Variants in GAST observed in about 807,000 individuals in gnomAD.
GAST encodes the protein preprogastrin.
GAST carries 9 observed loss-of-function variants against 12.5 expected under a neutral mutation model. The ratio of observed to expected loss-of-function variants is 0.72; its 90% CI spans 0.43 to 1.25. The LOEUF is 1.25. Ranked by LOEUF, GAST falls within the 50% of genes most tolerant of loss-of-function variation. The pLI, the probability that GAST is intolerant of heterozygous loss-of-function variation, is 0.00. For synonymous variants in GAST, 52 were observed against 51.1 expected (o/e 1.02, Z -0.08); for missense variants, 121 against 127.7 (o/e 0.95, Z 0.25).
rs141052751 is a variant in GAST at position 41,712,775 on chromosome 17, C to T, written c.-6+388C>T. Among the ~76,000 whole-genome samples the T allele has an allele frequency of 1.1e-4, 17 of 152,316 alleles. No homozygotes were observed. The East Asian group carries it at 2.5e-3, about 22-fold the overall frequency. On this transcript the variant is annotated intron_variant, in intron 1 of 2. Coordinates refer to ENST00000329402, the MANE Select transcript of GAST (RefSeq NM_000805.5). Reference sequence around the variant, plus strand: ...GCAAGGCTGGGATAGGAATCCACAGCTCCTGGATCCCACTTCAAGCCCTTT... The same window carrying T: ...GCAAGGCTGGGATAGGAATCCACAGTTCCTGGATCCCACTTCAAGCCCTTT...
chr17:41,715,740 G>T (rs782797563), intron 2 of GAST, 38 bp from the exon 3 acceptor site: 11 of 1,586,448 alleles, frequency 6.9e-6, no homozygotes, highest in African/African-American at 1.4e-5. Context: ...TGGAAGGTAG[G>T]CATCCTTCCC....
chr17:41,715,411 A>C, intron 1 of GAST, 21 bp from the exon 2 acceptor site: 1 of 1,587,882 alleles, frequency 6.3e-7, no homozygotes, highest in Non-Finnish European at 8.6e-7. Context: ...CCCTTAAGCT[A>C]GTCCCTTCTC....
chr17:41,715,670 C>A lies in GAST; in HGVS notation c.211+23C>A. 3.1e-6 allele frequency: 5 copies of A among 1,609,696 alleles called. 1 individual carries two copies. Among genetic ancestry groups the A allele is most frequent in the Middle Eastern group, 3.3e-4 (2 of 6,038 alleles). On this transcript the variant is annotated intron_variant, in intron 2 of 2. Coordinates refer to ENST00000329402, the MANE Select transcript of GAST (RefSeq NM_000805.5). ...CAGGTAGGAGCTGCTGACTGCCCTGCTTGCCTCACTTGGCCAGGTTTGGCC... is the reference window on the plus strand; with the variant it reads ...CAGGTAGGAGCTGCTGACTGCCCTGATTGCCTCACTTGGCCAGGTTTGGCC...
At chr17:41,714,986 T>G (rs79715822) in intron 1 of GAST, among the ~76,000 whole-genome samples, 4,100 of 152,108 alleles carry the variant, frequency 0.027, 101 homozygotes, top group East Asian at 0.15. Context: ...TCTGAAGAAA[T>G]AGTCCACAAC....
chr17:41,713,052 A>T (rs867628976), intron 1 of GAST, among the ~76,000 whole-genome samples: 4 of 152,080 alleles, frequency 2.6e-5, no homozygotes, highest in South Asian at 2.1e-4. Context: ...AGTAGCCGGG[A>T]TTACAGGCGC....
In GAST at chr17:41,715,956, T is replaced by C. The variant is rs1401307097; in HGVS notation, c.*84T>C. The C allele has an allele frequency of 1.6e-5, 17 of 1,037,050 alleles. No homozygotes were observed. Among genetic ancestry groups the C allele is most frequent in the Non-Finnish European group, 2.4e-5 (17 of 708,524 alleles). The allele number at this position is 1,037,050 out of a possible 1,614,324, so 64.2% of individuals were successfully genotyped here. ...CCTGAAAAACTGATCAAAAATAAACTAGTTTCCAGTGGATCAATGGACTGT... is the reference window on the plus strand; with the variant it reads ...CCTGAAAAACTGATCAAAAATAAACCAGTTTCCAGTGGATCAATGGACTGT... On this transcript the variant is annotated 3_prime_UTR_variant, in exon 3 of 3. Coordinates refer to ENST00000329402, the MANE Select transcript of GAST (RefSeq NM_000805.5).
intron 1 of GAST, among the ~76,000 whole-genome samples, chr17:41,713,729 T>TA (rs1400322008): frequency 6.6e-6 from 1 of 151,960 alleles, no homozygotes; most frequent in African/African-American, 2.4e-5. Context: ...AAGAAAAACT[T>TA]AAAAGCAGTA....
At chr17:41,712,941 G>T (rs1910886694) in intron 1 of GAST, among the ~76,000 whole-genome samples, 1 of 151,728 alleles carries the variant, frequency 6.6e-6, no homozygotes, top group South Asian at 2.1e-4. Context: ...GTTGTTGTTT[G>T]TTTTTTTATA....
At chr17:41,713,368 A>G (rs1910899413) in intron 1 of GAST, among the ~76,000 whole-genome samples, 1 of 152,172 alleles carries the variant, frequency 6.6e-6, no homozygotes, top group East Asian at 1.9e-4. Flanking sequence ...CTTTTCTTCC[A>G]AAGAAAACCT....
At chr17:41,712,847 G>A (rs1160796763) in intron 1 of GAST, among the ~76,000 whole-genome samples, 1 of 152,216 alleles carries the variant, frequency 6.6e-6, no homozygotes, top group Non-Finnish European at 1.5e-5. Flanking sequence ...GCAGGAAATG[G>A]TCTTCATCTG....
At position 41,715,862 on chromosome 17, in the gene GAST, A is replaced by T. The variant is rs1555585884; in HGVS notation, c.296A>T (p.Asp99Val). The T allele has an allele frequency of 1.9e-6, 3 of 1,604,282 alleles. No individual in the cohort carries two copies. In the South Asian group the frequency reaches 3.3e-5, roughly 18 times the overall value. Residue 99 changes from aspartate (D) to valine (V), a missense_variant, in exon 3 of 3, where the codon GAT (aspartate) becomes GTT (valine). Asp to Val is a radical substitution (Grantham distance 152). Coordinates refer to ENST00000329402, the MANE Select transcript of GAST (RefSeq NM_000805.5). The part of the protein sequence containing the change: ...WMDFGRRSAE[D>V]EN ...GACTTCGGCCGCCGCAGTGCTGAGGATGAGAACTAACAATCCTAGAACCAA... is the reference window on the plus strand; with the variant it reads ...GACTTCGGCCGCCGCAGTGCTGAGGTTGAGAACTAACAATCCTAGAACCAA...
chr17:41,712,386 A>T lies in GAST; in HGVS notation c.-7A>T, dbSNP rs1191701459. 1.3e-5 allele frequency: 2 copies of T among 152,382 alleles called. No homozygotes were observed. The highest frequency in any genetic ancestry group is 2.9e-5 in the Non-Finnish European group (2 of 68,230). 9.4% of individuals were successfully genotyped at this position (152,382 alleles called of 1,614,324 possible). ...GGCACCACACACCTCCCAGCTCTGC[A>T]GGTGAGAAAACCCAGGAGGAGAGGG... is the stretch of plus-strand genomic sequence containing the variant. On this transcript the variant is annotated splice_region_variant and 5_prime_UTR_variant, in exon 1 of 3. Coordinates refer to ENST00000329402, the MANE Select transcript of GAST (RefSeq NM_000805.5).
intron 1 of GAST, among the ~76,000 whole-genome samples, chr17:41,713,060 C>T (rs1005577177): frequency 7.2e-5 from 11 of 151,960 alleles, no homozygotes; most frequent in African/African-American, 2.4e-4. Flanking sequence ...GGATTACAGG[C>T]GCCTGCCACA....
intron 2 of GAST, 40 bp downstream of exon 2, chr17:41,715,687 G>A: frequency 2.5e-6 from 4 of 1,605,978 alleles, no homozygotes; most frequent in Non-Finnish European, 2.6e-6. Flanking sequence ...CACTTGGCCA[G>A]GTTTGGCCAA....
In GAST at chr17:41,715,590, C is replaced by G. The variant is rs1555585775; in HGVS notation, c.154C>G (p.Pro52Ala). The G allele has an allele frequency of 6.2e-7, 1 of 1,613,634 alleles. No homozygotes were observed. Among genetic ancestry groups the G allele is most frequent in the East Asian group, 2.2e-5 (1 of 44,870 alleles). Residue 52 changes from proline (P) to alanine (A), a missense_variant, in exon 2 of 3, where the codon CCA becomes GCA. Transcript: ENST00000329402. ...LELPWLEQQG[P>A]ASHHRRQLGP... ...GCTACCCTGGCTGGAGCAGCAGGGC[C>G]CAGCCTCTCATCATCGAAGGCAGCT...
In GAST at chr17:41,715,442, G is replaced by T. The variant is rs1555585707; in HGVS notation, c.6G>T (p.Gln2His). The T allele has an allele frequency of 2.5e-6, 4 of 1,609,438 alleles. No individual in the cohort carries two copies. The highest frequency in any genetic ancestry group is 3.4e-6 in the Non-Finnish European group (4 of 1,176,432). The change falls in exon 2 of 3, where the codon CAG becomes CAT. Residue 2 changes from glutamine (Q) to histidine (H), a missense_variant. Transcript: ENST00000329402. M[Q>H]RLCVYVLIFA... is the part of the protein sequence containing the mutation. The stretch of plus-strand genomic sequence containing the variant: ...TTCTCCCCTTTGCAGACGAGATGCA[G>T]CGACTGTGTGTGTATGTGCTGATCT...
chr17:41,715,243 T>C (rs1353042911), intron 1 of GAST, among the ~76,000 whole-genome samples, 189 bp from the exon 2 acceptor site: 1 of 150,514 alleles, frequency 6.6e-6, no homozygotes, highest in Non-Finnish European at 1.5e-5. Flanking sequence ...GAGGTTATAG[T>C]GAGCCGAGAT....
chr17:41,715,641 G>A lies in GAST; in HGVS notation c.205G>A (p.Val69Met), dbSNP rs200278472. The A allele has an allele frequency of 2.3e-5, 37 of 1,613,364 alleles. No individual in the cohort carries two copies. Among genetic ancestry groups the A allele is most frequent in the South Asian group, 5.5e-5 (5 of 91,070 alleles). The change falls in exon 2 of 3, where the codon GTG becomes ATG. Residue 69 changes from valine (V) to methionine (M), a missense_variant. By Grantham distance (21) the Val-to-Met change is conservative. Transcript: ENST00000329402. ...GGGACCCCAGGGTCCCCCACACCTC[G>A]TGGCAGGTAGGAGCTGCTGACTGCC... The part of the protein sequence containing the change: ...QLGPQGPPHL[V>M]ADPSKKQGPW...
chr17:41,714,328 A>T (rs1597726569), intron 1 of GAST, among the ~76,000 whole-genome samples: 1 of 152,106 alleles, frequency 6.6e-6, no homozygotes, highest in East Asian at 1.9e-4. Flanking sequence ...GCATGCCACC[A>T]TGCCTGGCTA....
Sources: allele counts gnomAD v4.1 joint callset (sites outside exome capture counted in the v4.1 genomes callset), GRCh38; gene constraint gnomAD v4.1.1; transcripts MANE v1.5; gene names NCBI Gene and HGNC (gene_info 2026-07-23, HGNC 2026-07-21).